Variants in RNF19A observed in about 807,000 individuals in gnomAD.
RNF19A encodes ring finger protein 19A, RBR E3 ubiquitin protein ligase.
A neutral mutation model predicts 75.7 loss-of-function variants in RNF19A; 32 were observed. The ratio of observed to expected loss-of-function variants is 0.42; its 90% CI spans 0.32 to 0.57. The LOEUF (loss-of-function observed/expected upper bound fraction) is 0.57. Among genes scored for constraint, RNF19A ranks in the 20% least tolerant of loss-of-function variants. The pLI, the probability that RNF19A is intolerant of heterozygous loss-of-function variation, is 0.10. For missense variants in RNF19A, 782 were observed against 1,036.3 expected (o/e 0.75, Z 3.37); for synonymous variants, 335 against 345.2 (o/e 0.97, Z 0.33).
rs559019318 is a variant in RNF19A, at chr8:100,324,860, TTC to T, written c.-243+11246_-243+11247del. Among the ~76,000 whole-genome samples the T allele has an allele frequency of 1.7e-4, 25 of 149,292 alleles. No homozygotes were observed. Among genetic ancestry groups the T allele is most frequent in the African/African-American group, 5.7e-4 (23 of 40,052 alleles). ...CTTCCTCCCTCCCTCCCTCCTTCCT[TTC>T]TCTCTTTCTCTTTTTTTTCTTTCTT... On this transcript the variant is annotated intron_variant, in intron 1 of 3. Coordinates refer to the RNF19A transcript ENST00000519527. This position sits in a 1 kb window ranked among gnomAD's most constrained non-coding sequence, Gnocchi z 4.2.
chr8:100,259,405 C>A lies in RNF19A; in HGVS notation c.1827-159G>T. The A allele has an allele frequency of 3.2e-6, 2 of 618,342 alleles. No homozygotes were observed. The highest frequency in any genetic ancestry group is 5.6e-6 in the Non-Finnish European group (2 of 355,386). 38.3% of individuals were successfully genotyped at this position (618,342 alleles called of 1,614,324 possible). A position where few individuals can be genotyped will look rare whatever the true frequency, so the allele number is the denominator to read the frequency against. ...TACTTAAAAAACATACTTGATATAACAGAACTCTTTATAATGCTTCAATGT... is the reference window on the plus strand; with the variant it reads ...TACTTAAAAAACATACTTGATATAAAAGAACTCTTTATAATGCTTCAATGT... On this transcript the variant is annotated intron_variant, in intron 9 of 9. Coordinates refer to ENST00000341084, the MANE Select transcript of RNF19A (RefSeq NM_183419.4). This position sits in a 1 kb window ranked among gnomAD's most constrained non-coding sequence, Gnocchi z 4.5.
chr8:100,296,588 A>AATAT (rs10694844), intron 1 of RNF19A, among the ~76,000 whole-genome samples: 5 of 151,762 alleles, frequency 3.3e-5, no homozygotes, highest in Non-Finnish European at 5.9e-5. Context: ...TTAATTTGTG[A>AATAT]ATATATATAT....
chr8:100,265,876 C>T (rs533852751), intron 5 of RNF19A, among the ~76,000 whole-genome samples: 3 of 152,306 alleles, frequency 2.0e-5, no homozygotes, highest in Non-Finnish European at 4.4e-5. Flanking sequence ...CCTACACAGT[C>T]CATGCAGGCA....
chr8:100,310,379 G>C, upstream of RNF19A: 1 of 362,630 alleles, frequency 2.8e-6, no homozygotes, highest in African/African-American at 2.2e-5. Flanking sequence ...GGGCAGTGGG[G>C]CCGGTGTCTC....
In RNF19A at chr8:100,287,425, CTT is replaced by C. The variant is rs1204681072; in HGVS notation, c.674+74_674+75del. On this transcript the variant is annotated intron_variant, in intron 2 of 9. Coordinates refer to ENST00000341084, the MANE Select transcript of RNF19A (RefSeq NM_183419.4). This position sits in a 1 kb window ranked among gnomAD's most constrained non-coding sequence, Gnocchi z 4.1. ...AATTCTCCAGCATGTAAAAATTTTT[CTT>C]TTGAGTAATAGCAAATTATTTTATC... 6.9e-7 allele frequency: 1 copy of C among 1,446,972 alleles called. No homozygotes were observed. Among genetic ancestry groups the C allele is most frequent in the Non-Finnish European group, 9.3e-7 (1 of 1,076,630 alleles). The allele number at this position is 1,446,972 out of a possible 1,614,324, so 89.6% of individuals were successfully genotyped here. A position where few individuals can be genotyped will look rare whatever the true frequency, so the allele number is the denominator to read the frequency against.
chr8:100,310,788 T>G (rs545978208), upstream of RNF19A, among the ~76,000 whole-genome samples: 2 of 152,328 alleles, frequency 1.3e-5, no homozygotes, highest in Non-Finnish European at 2.9e-5. Context: ...TGCAGTCAAG[T>G]AATCAGAATT....
chr8:100,320,667 TGAAG>T (rs1364118805), intron 1 of RNF19A, among the ~76,000 whole-genome samples: 1 of 152,196 alleles, frequency 6.6e-6, no homozygotes, highest in Admixed American at 6.5e-5. Context: ...ATTTTTATAA[TGAAG>T]GTAATAAAAA....
intron 7 of RNF19A, 132 bp downstream of exon 7, chr8:100,263,902 T>C: frequency 1.5e-6 from 1 of 670,574 alleles, no homozygotes; most frequent in Non-Finnish European, 2.5e-6. Context: ...TTCACTTATG[T>C]ACTTCTGAAT....
At chr8:100,297,112 ATT>A (rs1821601057) in intron 1 of RNF19A, among the ~76,000 whole-genome samples, 1 of 152,262 alleles carries the variant, frequency 6.6e-6, no homozygotes, top group African/African-American at 2.4e-5. Context: ...CACTGAAAAA[ATT>A]TTAAAGTTGA....
At position 100,259,019 on chromosome 8, in the gene RNF19A, T is replaced by C; in HGVS notation, c.2054A>G (p.Lys685Arg). Residue 685 changes from lysine to arginine, a missense_variant, in exon 10 of 10, where the codon AAG (lysine) becomes AGG (arginine). Lys to Arg is a conservative substitution (Grantham distance 26, BLOSUM62 2). Around this residue, in one of 7 missense-constraint regions of RNF19A, gnomAD observed 442 missense variants for 541.6 expected, o/e 0.82. Transcript: ENST00000341084. The surrounding 1 kb of genome is among the most constrained non-coding windows in gnomAD (Gnocchi z 4.5). ...SGKLRKKGNM[K>R]INETREDMDA... ...CATGTCCTCTCTCGTCTCATTTATC[T>C]TCATGTTACCCTTTTTCCTCAGTTT... 1 of 1,614,262 alleles carries C rather than the reference T, an allele frequency of 6.2e-7. No homozygotes were observed. Among genetic ancestry groups the C allele is most frequent in the Non-Finnish European group, 8.5e-7 (1 of 1,180,048 alleles).
rs1215034779 is a variant in RNF19A at position 100,261,581 on chromosome 8, C to T, written c.1643G>A (p.Gly548Glu). The change falls in exon 8 of 10, where the codon GGG becomes GAG. Residue 548 changes from glycine (G) to glutamate (E), a missense_variant. Physicochemically the swap from Gly to Glu is moderately conservative, Grantham distance 98. Around this residue, in one of 7 missense-constraint regions of RNF19A, gnomAD observed 442 missense variants for 541.6 expected, o/e 0.82. Coordinates refer to ENST00000341084, the MANE Select transcript of RNF19A (RefSeq NM_183419.4). This position sits in a 1 kb window ranked among gnomAD's most constrained non-coding sequence, Gnocchi z 4.4. ...TMALAGASIT[G>E]SLSGSAMVNC... ...TACCATGGCACTTCCTGACAGACTC[C>T]CCGTTATACTGGCTCCAGCTAGTGC... The T allele has an allele frequency of 8.7e-6, 14 of 1,613,936 alleles. No homozygotes were observed. The highest frequency in any genetic ancestry group is 1.2e-5 in the Non-Finnish European group (14 of 1,180,010).
chr8:100,328,670 C>T (rs569691953), intron 1 of RNF19A, among the ~76,000 whole-genome samples: 2 of 152,204 alleles, frequency 1.3e-5, no homozygotes, highest in South Asian at 2.1e-4. Flanking sequence ...CGGGGTTTCA[C>T]CATGTTGGTC....
chr8:100,312,481 AG>A, upstream of RNF19A: 1 of 152,386 alleles, frequency 6.6e-6, no homozygotes, highest in Non-Finnish European at 1.5e-5. Context: ...CAGCTACTCC[AG>A]GGGGCTGAGG....
intron 2 of RNF19A, among the ~76,000 whole-genome samples, chr8:100,281,777 G>T (rs1012711797): frequency 2.0e-5 from 3 of 152,100 alleles, no homozygotes; most frequent in Admixed American, 6.5e-5. Context: ...AGAACAGAAA[G>T]AAAATATAAT....
intron 1 of RNF19A, among the ~76,000 whole-genome samples, chr8:100,316,412 A>G (rs1586696811): frequency 6.6e-6 from 1 of 152,278 alleles, no homozygotes; most frequent in East Asian, 1.9e-4. Flanking sequence ...GGCCCCACCC[A>G]CATCCTGCTG....
rs566100698 is a variant in RNF19A at position 100,261,827 on chromosome 8, A to G, written c.1469-72T>C. ...TTTCTCCTTCTTAAATTCCTCCATG[A>G]TTTCAGAGAGGACATTATATAAGGT... On this transcript the variant is annotated intron_variant, in intron 7 of 9. Coordinates refer to ENST00000341084, the MANE Select transcript of RNF19A (RefSeq NM_183419.4). This position sits in a 1 kb window ranked among gnomAD's most constrained non-coding sequence, Gnocchi z 4.4. The G allele has an allele frequency of 2.1e-4, 301 of 1,448,728 alleles. No homozygotes were observed. Among genetic ancestry groups the G allele is most frequent in the Middle Eastern group, 5.3e-4 (3 of 5,690 alleles). 89.7% of individuals were successfully genotyped at this position (1,448,728 alleles called of 1,614,324 possible).
Position 100,287,045 on chromosome 8 carries a change from A to G in RNF19A, c.674+456T>C, listed in dbSNP as rs1821056135. Among the ~76,000 whole-genome samples, 1 of 152,206 alleles carries G rather than the reference A, an allele frequency of 6.6e-6. No individual in the cohort carries two copies. The highest frequency in any genetic ancestry group is 2.1e-4 in the South Asian group (1 of 4,830). Reference sequence around the variant, plus strand: ...ACATGAACACATCATACTGTGGCACATGCTAAGGTAGGTACCTTTCAAAAG... The same window carrying G: ...ACATGAACACATCATACTGTGGCACGTGCTAAGGTAGGTACCTTTCAAAAG... On this transcript the variant is annotated intron_variant, in intron 2 of 9. Coordinates refer to ENST00000341084, the MANE Select transcript of RNF19A (RefSeq NM_183419.4). The surrounding 1 kb of genome is among the most constrained non-coding windows in gnomAD (Gnocchi z 4.1).
intron 2 of RNF19A, among the ~76,000 whole-genome samples, chr8:100,277,111 G>A (rs1820559162): frequency 6.6e-6 from 1 of 152,180 alleles, no homozygotes; most frequent in Non-Finnish European, 1.5e-5. Context: ...CAACAATCAA[G>A]TTTTATCAAT....
chr8:100,274,854 C>T (rs1172776274), intron 3 of RNF19A, 99 bp downstream of exon 3: 10 of 905,712 alleles, frequency 1.1e-5, no homozygotes, highest in East Asian at 7.9e-5. Flanking sequence ...AAAACACTTT[C>T]GGCAAGTGAA....
Sources: allele counts gnomAD v4.1 joint callset (sites outside exome capture counted in the v4.1 genomes callset), GRCh38; gene constraint gnomAD v4.1.1; regional missense constraint gnomAD v4.1.1; non-coding constraint Gnocchi (gnomAD v3.1); transcripts MANE v1.5; gene names NCBI Gene and HGNC (gene_info 2026-07-23, HGNC 2026-07-21).